CFAP206: variants seen among roughly 807,000 people sequenced by gnomAD.
CFAP206 encodes the protein cilia and flagella associated protein 206.
Under a neutral mutation model 65.4 loss-of-function variants are expected in CFAP206, and 53 were observed. The ratio of observed to expected loss-of-function variants is 0.81; its 90% confidence interval spans 0.65 to 1.02. The LOEUF is 1.02. Among genes scored for constraint, CFAP206 ranks in the 50% least tolerant of loss-of-function variants. The probability of loss-of-function intolerance (pLI) is 0.00; values close to 1 mark genes in which losing one functional copy is unlikely to be tolerated. For missense variants in CFAP206, 663 were observed against 753.2 expected, an observed-to-expected ratio of 0.88 and a Z score of 1.40; for synonymous variants, 250 against 254.4, an observed-to-expected ratio of 0.98 and a Z score of 0.17.
chr6:87,462,209 C>T (rs1262762798), intron 12 of CFAP206, among the ~76,000 whole-genome samples: 3 of 152,152 alleles, frequency 2.0e-5, no homozygotes, highest in African/African-American at 7.2e-5. Context: ...TATGGTCTAG[C>T]CTTTGTCCAT....
chr6:87,427,102 G>C (rs1289198527), intron 8 of CFAP206, among the ~76,000 whole-genome samples: 1 of 152,166 alleles, frequency 6.6e-6, no homozygotes, highest in African/African-American at 2.4e-5. Context: ...ATCTGGATAA[G>C]GAGGTATAAA....
intron 11 of CFAP206, among the ~76,000 whole-genome samples, chr6:87,458,918 G>A (rs1768696770): frequency 6.6e-6 from 1 of 152,010 alleles, no homozygotes; most frequent in South Asian, 2.1e-4. Flanking sequence ...AATCTCTCAT[G>A]TAACCTGATA....
At chr6:87,415,522 AGGCTACATGCT>A in intron 4 of CFAP206, 153 bp from the exon 5 acceptor site, 1 of 710,878 alleles carries the variant, frequency 1.4e-6, no homozygotes, top group East Asian at 2.8e-5. Flanking sequence ...TTTTGTCTTG[AGGCTACATGCT>A]GGCCACTGTT....
intron 3 of CFAP206, among the ~76,000 whole-genome samples, chr6:87,413,163 T>G (rs571496645): frequency 6.6e-6 from 1 of 152,312 alleles, no homozygotes; most frequent in South Asian, 2.1e-4. Context: ...ATTGGTTAAC[T>G]CAAGGGAAAT....
intron 11 of CFAP206, among the ~76,000 whole-genome samples, chr6:87,446,998 C>A (rs1428328196): frequency 6.6e-6 from 1 of 152,030 alleles, no homozygotes; most frequent in Non-Finnish European, 1.5e-5. Flanking sequence ...CTCTGCTTGC[C>A]TGTCGTTGGT....
At chr6:87,456,420 C>T (rs145199777) in intron 11 of CFAP206, among the ~76,000 whole-genome samples, 30 of 152,132 alleles carry the variant, frequency 2.0e-4, no homozygotes, top group African/African-American at 6.3e-4. Context: ...AGTATCATAC[C>T]GAACGGGAAA....
intron 6 of CFAP206, 65 bp downstream of exon 6, chr6:87,416,892 G>A: frequency 7.2e-7 from 1 of 1,392,220 alleles, no homozygotes; most frequent in Non-Finnish European, 9.9e-7. Context: ...GCACAGTGAG[G>A]AAAATAATAA....
chr6:87,442,598 T>C (rs1339436335), intron 11 of CFAP206, among the ~76,000 whole-genome samples: 2 of 152,190 alleles, frequency 1.3e-5, no homozygotes, highest in East Asian at 1.9e-4. Context: ...TATTTCATAA[T>C]TGCAGTGTTC....
intron 11 of CFAP206, among the ~76,000 whole-genome samples, chr6:87,436,490 G>T (rs1389624799): frequency 6.6e-6 from 1 of 152,184 alleles, no homozygotes; most frequent in East Asian, 1.9e-4. Flanking sequence ...GGACTGTTGG[G>T]CTGGTGACAG....
rs540863878 is a variant in CFAP206 at position 87,455,015 on chromosome 6, C to T, written c.1495-6007C>T. Among the ~76,000 whole-genome samples the T allele has an allele frequency of 4.7e-4, 71 of 151,746 alleles. No individual in the cohort carries two copies. In the East Asian group the frequency reaches 0.01, roughly 22 times the overall value. ...TCTGCTCACTGTAACCTCTGCCTCC[C>T]GGGTTCAAGTGATTCTCCTGCCTCA... On this transcript the variant is annotated intron_variant, in intron 11 of 12. Transcript: ENST00000369562.
intron 11 of CFAP206, among the ~76,000 whole-genome samples, chr6:87,459,316 T>A (rs1413795803): frequency 3.0e-4 from 46 of 152,204 alleles, no homozygotes; most frequent in Non-Finnish European, 7.4e-5. Context: ...GAGGCATACA[T>A]GTCTTTTTAT....
chr6:87,411,251 T>C lies in CFAP206; in HGVS notation c.192+583T>C, dbSNP rs564525803. 2.0e-5 allele frequency among the ~76,000 whole-genome samples: 3 copies of C among 152,374 alleles called. No homozygotes were observed. In the South Asian group the frequency reaches 6.2e-4, roughly 32 times the overall value. ...GTTCGTCATATACTGTGAAGTTAAA[T>C]AGAACTAAATTAATTTGCATTTCTC... On this transcript the variant is annotated intron_variant, in intron 3 of 12. Coordinates refer to ENST00000369562, the MANE Select transcript of CFAP206 (RefSeq NM_001031743.3).
At chr6:87,459,014 A>C (rs1442917237) in intron 11 of CFAP206, among the ~76,000 whole-genome samples, 1 of 152,100 alleles carries the variant, frequency 6.6e-6, no homozygotes. Context: ...AAATTTGTTC[A>C]AATTGTAGAG....
chr6:87,450,475 ATGTGTGTGTGTG>A (rs55870560), intron 11 of CFAP206, among the ~76,000 whole-genome samples: 19 of 130,400 alleles, frequency 1.5e-4, no homozygotes, highest in African/African-American at 2.6e-4. Flanking sequence ...ATAAATGAAA[ATGTGTGTGTGTG>A]TGTGTGTGTG....
chr6:87,445,335 G>A (rs1768424912), intron 11 of CFAP206, among the ~76,000 whole-genome samples: 1 of 151,958 alleles, frequency 6.6e-6, no homozygotes, highest in African/African-American at 2.4e-5. Context: ...GCATGCATTA[G>A]CTATTTTTCC....
In CFAP206 at chr6:87,449,428, C is replaced by T. The variant is rs186155577; in HGVS notation, c.1495-11594C>T. Among the ~76,000 whole-genome samples the T allele has an allele frequency of 1.2e-3, 146 of 119,534 alleles. 1 individual carries two copies. Among genetic ancestry groups the T allele is most frequent in the Non-Finnish European group, 4.4e-4 (27 of 61,548 alleles). 78.4% of individuals were successfully genotyped at this position (119,534 alleles called of 152,430 possible). On this transcript the variant is annotated intron_variant, in intron 11 of 12. Transcript: ENST00000369562. ...CTCCAGCCTGGGTGACAGAGTGAGA[C>T]TCCATCTCAAAAAAAAAAAAAAAAA...
intron 11 of CFAP206, among the ~76,000 whole-genome samples, chr6:87,443,344 T>G (rs1267466789): frequency 1.3e-5 from 2 of 152,154 alleles, no homozygotes; most frequent in African/African-American, 4.8e-5. Flanking sequence ...TCTTCTCTCT[T>G]TTTATTTTGA....
rs1173069881 is a variant in CFAP206, at chr6:87,435,006, C to G, written c.1447C>G (p.Leu483Val). ...CAAAAAAAATACAGAGTTAATTCAA[C>G]TATTGGAACTTCATCAACAGTTTGA... is the stretch of plus-strand genomic sequence containing the variant. Reference protein sequence around the residue: ...KAKKNTELIQLLELHQQFETF... With the variant: ...KAKKNTELIQVLELHQQFETF... The change falls in exon 11 of 13, where the codon CTA becomes GTA. Residue 483 changes from leucine (L) to valine (V), a missense_variant. By Grantham distance (32) the Leu-to-Val change is conservative. Coordinates refer to ENST00000369562, the MANE Select transcript of CFAP206 (RefSeq NM_001031743.3). The G allele has an allele frequency of 6.2e-7, 1 of 1,607,090 alleles. No individual in the cohort carries two copies. Among genetic ancestry groups the G allele is most frequent in the Non-Finnish European group, 8.5e-7 (1 of 1,176,626 alleles).
intron 11 of CFAP206, among the ~76,000 whole-genome samples, chr6:87,443,857 T>C (rs908234324): frequency 6.6e-6 from 1 of 152,276 alleles, no homozygotes; most frequent in Middle Eastern, 3.4e-3. Context: ...CTCCTACTTA[T>C]GAGTGAGAAC....
Sources: allele counts gnomAD v4.1 joint callset (sites outside exome capture counted in the v4.1 genomes callset), GRCh38; gene constraint gnomAD v4.1.1; transcripts MANE v1.5; gene names NCBI Gene and HGNC (gene_info 2026-07-23, HGNC 2026-07-21).